NKAIN3: variants seen among roughly 807,000 people sequenced by gnomAD.
NKAIN3 encodes the protein sodium/potassium transporting ATPase interacting 3.
NKAIN3 carries 25 observed loss-of-function variants against 30.2 expected under a neutral mutation model. That is an observed-to-expected ratio of 0.83 (90% CI 0.60 to 1.16). The LOEUF is 1.16. NKAIN3 is among the 50% of genes most tolerant of loss of function. The pLI, the probability that NKAIN3 is intolerant of heterozygous loss-of-function variation, is 0.00. For synonymous variants in NKAIN3, 91 were observed against 89.6 expected, an observed-to-expected ratio of 1.02 and a Z score of -0.09; for missense variants, 225 against 254.1, an observed-to-expected ratio of 0.89 and a Z score of 0.78.
At chr8:62,606,186 A>G (rs1207460086) in intron 3 of NKAIN3, among the ~76,000 whole-genome samples, 1 of 152,070 alleles carries the variant, frequency 6.6e-6, no homozygotes, top group African/African-American at 2.4e-5. Context: ...CAAGGATTAC[A>G]TGGATCAGGA....
At chr8:62,343,380 A>T (rs1815816276) in intron 1 of NKAIN3, among the ~76,000 whole-genome samples, 1 of 152,090 alleles carries the variant, frequency 6.6e-6, no homozygotes, top group African/African-American at 2.4e-5. Flanking sequence ...TTACAAATGT[A>T]TCCTATCTAC....
At chr8:62,932,255 G>A (rs185206614) in intron 5 of NKAIN3, among the ~76,000 whole-genome samples, 93 of 152,302 alleles carry the variant, frequency 6.1e-4, no homozygotes, top group African/African-American at 2.1e-3. Flanking sequence ...AGACTTCTGT[G>A]AGTTAGGCCA....
rs112584110 is a variant in NKAIN3, at chr8:62,609,973, G to A, written c.273+20179G>A. 9.0e-3 allele frequency among the ~76,000 whole-genome samples: 1,369 copies of A among 152,268 alleles called. 22 individuals carry two copies. Among genetic ancestry groups the A allele is most frequent in the African/African-American group, 0.031 (1,308 of 41,560 alleles). ...TGGATGCGACTGAGCATAGGGGACTGACGGGATCAGAAATTACTGTGTAGG... is the reference window on the plus strand; with the variant it reads ...TGGATGCGACTGAGCATAGGGGACTAACGGGATCAGAAATTACTGTGTAGG... On this transcript the variant is annotated intron_variant, in intron 3 of 6. Coordinates refer to ENST00000623646, the MANE Select transcript of NKAIN3 (RefSeq NM_001304533.3).
rs555057815 is a variant in NKAIN3 at position 62,460,524 on chromosome 8, A to T, written c.55-119015A>T. On this transcript the variant is annotated intron_variant, in intron 1 of 6. Transcript: ENST00000623646. ...GTCAAGGTGCACTTATTCAAGAAAA[A>T]CAGCTGAATGTTGGTAAGAACAATG... Among the ~76,000 whole-genome samples the T allele has an allele frequency of 2.0e-5, 3 of 152,302 alleles. No homozygotes were observed. The South Asian group carries it at 6.2e-4, about 32-fold the overall frequency.
chr8:62,550,854 T>G (rs1228639510), intron 1 of NKAIN3, among the ~76,000 whole-genome samples: 3 of 152,170 alleles, frequency 2.0e-5, no homozygotes, highest in Non-Finnish European at 2.9e-5. Flanking sequence ...TAATACAAAT[T>G]CCTAGTATAT....
At chr8:62,444,455 C>A (rs886957274) in intron 1 of NKAIN3, among the ~76,000 whole-genome samples, 1 of 152,162 alleles carries the variant, frequency 6.6e-6, no homozygotes, top group Non-Finnish European at 1.5e-5. Flanking sequence ...ACTTTTTTAG[C>A]TTCCACCTGT....
At chr8:62,513,052 T>C (rs1807863518) in intron 1 of NKAIN3, among the ~76,000 whole-genome samples, 1 of 152,046 alleles carries the variant, frequency 6.6e-6, no homozygotes, top group Non-Finnish European at 1.5e-5. Context: ...TTGAAAAATA[T>C]ATATAAAATA....
intron 3 of NKAIN3, among the ~76,000 whole-genome samples, chr8:62,709,171 T>C (rs140657012): frequency 1.3e-5 from 2 of 152,222 alleles, no homozygotes; most frequent in Admixed American, 6.5e-5. Context: ...AGGATATCAA[T>C]CTGTAGTTTT....
chr8:62,296,789 T>G lies in NKAIN3; in HGVS notation c.54+47662T>G, dbSNP rs559054013. Among the ~76,000 whole-genome samples the G allele has an allele frequency of 7.9e-5, 12 of 152,274 alleles. No homozygotes were observed. In the East Asian group the frequency reaches 2.3e-3, roughly 29 times the overall value. Reference sequence around the variant, plus strand: ...CCCAGACTTTCTGCTGTGTTGCAGATCCATGCAGCCAGTTTCTTCTTCATT... The same window carrying G: ...CCCAGACTTTCTGCTGTGTTGCAGAGCCATGCAGCCAGTTTCTTCTTCATT... On this transcript the variant is annotated intron_variant, in intron 1 of 6. Coordinates refer to ENST00000623646, the MANE Select transcript of NKAIN3 (RefSeq NM_001304533.3).
chr8:62,855,987 A>G, intron 4 of NKAIN3: 1 of 690,302 alleles, frequency 1.4e-6, no homozygotes, highest in Non-Finnish European at 2.7e-6. Context: ...GCTCCCAATC[A>G]CCAGCAACTC....
chr8:62,602,495 C>T (rs1811009586), intron 3 of NKAIN3, among the ~76,000 whole-genome samples: 1 of 152,104 alleles, frequency 6.6e-6, no homozygotes, highest in African/African-American at 2.4e-5. Context: ...CTTCCCCAAT[C>T]TTCTGCCCCA....
chr8:62,739,277 A>ATAT (rs1273372890), intron 3 of NKAIN3, among the ~76,000 whole-genome samples: 1 of 151,692 alleles, frequency 6.6e-6, no homozygotes, highest in African/African-American at 2.4e-5. Flanking sequence ...GAAAAAAAAA[A>ATAT]ATATATATAT....
At chr8:62,464,081 A>G (rs1806079225) in intron 1 of NKAIN3, among the ~76,000 whole-genome samples, 1 of 152,160 alleles carries the variant, frequency 6.6e-6, no homozygotes, top group South Asian at 2.1e-4. Flanking sequence ...ACAATGCACC[A>G]CTGTTGCCTT....
At chr8:62,813,929 A>G (rs1818578738) in intron 4 of NKAIN3, among the ~76,000 whole-genome samples, 2 of 151,978 alleles carry the variant, frequency 1.3e-5, no homozygotes, top group South Asian at 4.1e-4. Context: ...TTCTTGACTG[A>G]CAGGTTTTTC....
chr8:62,284,500 C>T (rs985218521), intron 1 of NKAIN3, among the ~76,000 whole-genome samples: 18 of 152,146 alleles, frequency 1.2e-4, no homozygotes, highest in African/African-American at 4.1e-4. Context: ...GTGGCACATG[C>T]CTGTAATCCC....
At chr8:62,535,225 A>G (rs552228181) in intron 1 of NKAIN3, among the ~76,000 whole-genome samples, 1 of 152,294 alleles carries the variant, frequency 6.6e-6, no homozygotes, top group Admixed American at 6.5e-5. Context: ...AGTTATGCTC[A>G]TATTCATGTT....
chr8:62,629,315 A>G (rs1563490878), intron 3 of NKAIN3, among the ~76,000 whole-genome samples: 1 of 152,140 alleles, frequency 6.6e-6, no homozygotes, highest in Non-Finnish European at 1.5e-5. Context: ...CCTAGTGAGT[A>G]AGGTAAGTTA....
chr8:62,420,767 A>G (rs1804612386), intron 1 of NKAIN3, among the ~76,000 whole-genome samples: 1 of 152,182 alleles, frequency 6.6e-6, no homozygotes, highest in South Asian at 2.1e-4. Flanking sequence ...AATGAAAATA[A>G]GAATTAGATC....
chr8:62,839,580 TTTTAA>T (rs1329086495), intron 4 of NKAIN3, among the ~76,000 whole-genome samples: 1 of 152,076 alleles, frequency 6.6e-6, no homozygotes, highest in African/African-American at 2.4e-5. Flanking sequence ...ACTTTTTTTC[TTTTAA>T]TTTATTTGTT....
Sources: allele counts gnomAD v4.1 joint callset (sites outside exome capture counted in the v4.1 genomes callset), GRCh38; gene constraint gnomAD v4.1.1; transcripts MANE v1.5; gene names NCBI Gene and HGNC (gene_info 2026-07-23, HGNC 2026-07-21).